Variants in SMIM31 observed in about 807,000 individuals in gnomAD.
SMIM31 encodes the protein human epithelial cell program regulator.
intron 2 of SMIM31, among the ~76,000 whole-genome samples, chr4:164,791,209 A>C (rs1241898058): frequency 6.6e-6 from 1 of 152,168 alleles, no homozygotes; most frequent in East Asian, 1.9e-4. Context: ...CATTGAGTAG[A>C]TTAATGTTTT....
intron 2 of SMIM31, among the ~76,000 whole-genome samples, chr4:164,794,785 C>T (rs1362976761): frequency 3.3e-5 from 5 of 151,550 alleles, no homozygotes; most frequent in African/African-American, 1.2e-4. Flanking sequence ...AGCCTGGCAA[C>T]AGAGCAAGAC....
chr4:164,758,988 C>T (rs1209216536), intron 1 of SMIM31, among the ~76,000 whole-genome samples: 2 of 151,590 alleles, frequency 1.3e-5, no homozygotes, highest in East Asian at 3.9e-4. Flanking sequence ...AGTTTTTCTG[C>T]TTTATTCTGT....
intron 1 of SMIM31, among the ~76,000 whole-genome samples, chr4:164,757,407 C>G (rs62352414): frequency 0.29 from 17,409 of 59,948 alleles, 1,113 homozygotes; most frequent in Admixed American, 0.3. Context: ...ATGAGCACTA[C>G]CTTTAAATTA....
In SMIM31 at chr4:164,787,619, C is replaced by T. The variant is rs1733042681; in HGVS notation, c.113-13472C>T. Among the ~76,000 whole-genome samples the T allele has an allele frequency of 2.0e-5, 3 of 150,262 alleles. No individual in the cohort carries two copies. The South Asian group carries it at 6.2e-4, about 31-fold the overall frequency. ...GTTCTCCGTCTTCTCTCTTCCATGA[C>T]AGTTGAATCTCAAATGTCATGAACT... On this transcript the variant is annotated intron_variant, in intron 2 of 2. Transcript: ENST00000507311.
intron 2 of SMIM31, among the ~76,000 whole-genome samples, chr4:164,771,653 A>C (rs911309989): frequency 6.6e-6 from 1 of 152,148 alleles, no homozygotes; most frequent in South Asian, 2.1e-4. Flanking sequence ...TACAAAAAAA[A>C]AAAAAATTAG....
chr4:164,765,446 C>T (rs780809780), intron 1 of SMIM31, among the ~76,000 whole-genome samples: 11 of 152,008 alleles, frequency 7.2e-5, no homozygotes, highest in Admixed American at 1.3e-4. Flanking sequence ...CACAGATGGA[C>T]GGGATAATTC....
chr4:164,767,964 G>T (rs760956037), intron 1 of SMIM31, among the ~76,000 whole-genome samples: 2 of 152,056 alleles, frequency 1.3e-5, no homozygotes, highest in African/African-American at 4.8e-5. Context: ...GGCCAGAGGC[G>T]GTAGCTATGC....
intron 2 of SMIM31, among the ~76,000 whole-genome samples, chr4:164,785,096 T>C (rs28417531): frequency 0.61 from 92,543 of 151,184 alleles, 29,415 homozygotes; most frequent in African/African-American, 0.78. Flanking sequence ...TGTGGTGGCA[T>C]GCACCTGTAA....
intron 1 of SMIM31, among the ~76,000 whole-genome samples, chr4:164,768,658 T>C (rs942221108): frequency 1.3e-5 from 2 of 152,152 alleles, no homozygotes; most frequent in African/African-American, 2.4e-5. Context: ...TGAAACATCT[T>C]TAGAGAGTGT....
chr4:164,783,034 A>G (rs1213507121), intron 2 of SMIM31, among the ~76,000 whole-genome samples: 5 of 151,670 alleles, frequency 3.3e-5, no homozygotes, highest in Non-Finnish European at 1.5e-5. Context: ...CCTGGCCGAC[A>G]CAGTGAAACC....
chr4:164,766,058 G>T (rs1732716861), intron 1 of SMIM31, among the ~76,000 whole-genome samples: 1 of 152,122 alleles, frequency 6.6e-6, no homozygotes. Flanking sequence ...CACAAAGAGA[G>T]CAGTGAGCTC....
At chr4:164,785,577 G>C (rs1733016245) in intron 2 of SMIM31, among the ~76,000 whole-genome samples, 1 of 151,890 alleles carries the variant, frequency 6.6e-6, no homozygotes. Context: ...AAATGAATTT[G>C]AGATACAGAT....
chr4:164,790,965 C>T (rs993316216), intron 2 of SMIM31, among the ~76,000 whole-genome samples: 4 of 152,298 alleles, frequency 2.6e-5, no homozygotes, highest in African/African-American at 7.2e-5. Flanking sequence ...ATTTGCAGAT[C>T]TGTGGAATCT....
intron 1 of SMIM31, among the ~76,000 whole-genome samples, chr4:164,768,268 A>T (rs1732746907): frequency 2.0e-5 from 3 of 151,402 alleles, no homozygotes; most frequent in Non-Finnish European, 4.4e-5. Flanking sequence ...AGAAAAGAGA[A>T]AGAAGAGAAA....
At chr4:164,761,027 T>C (rs910526150) in intron 1 of SMIM31, among the ~76,000 whole-genome samples, 1 of 152,208 alleles carries the variant, frequency 6.6e-6, no homozygotes, top group African/African-American at 2.4e-5. Flanking sequence ...AAATATTACA[T>C]ATTTTCTCAA....
chr4:164,774,710 A>T (rs556726233), intron 2 of SMIM31, among the ~76,000 whole-genome samples: 23 of 152,116 alleles, frequency 1.5e-4, no homozygotes, highest in Non-Finnish European at 2.6e-4. Context: ...GCAATTACAA[A>T]CTGCATTTTA....
chr4:164,761,592 G>A (rs1024120850), intron 1 of SMIM31, among the ~76,000 whole-genome samples: 3 of 152,070 alleles, frequency 2.0e-5, no homozygotes, highest in Non-Finnish European at 4.4e-5. Flanking sequence ...GATTGCAACA[G>A]GTAATCTCCA....
At chr4:164,756,372 C>T (rs1732560849) in intron 1 of SMIM31, among the ~76,000 whole-genome samples, 1 of 152,040 alleles carries the variant, frequency 6.6e-6, no homozygotes, top group South Asian at 2.1e-4. Context: ...AGATCAAGAC[C>T]ATCCTGGCTA....
At chr4:164,795,465 G>A (rs1399810983) in intron 2 of SMIM31, among the ~76,000 whole-genome samples, 1 of 147,750 alleles carries the variant, frequency 6.8e-6, no homozygotes, top group Non-Finnish European at 1.5e-5. Flanking sequence ...GGCTGAGGCA[G>A]AAGAATCACT....
Sources: allele counts gnomAD v4.1 joint callset (sites outside exome capture counted in the v4.1 genomes callset), GRCh38; gene constraint gnomAD v4.1.1; transcripts MANE v1.5; gene names NCBI Gene and HGNC (gene_info 2026-07-23, HGNC 2026-07-21).